The following ANKRD30B variants were observed in gnomAD, a reference collection of about 807,000 sequenced individuals.
ANKRD30B encodes ankyrin repeat domain 30B.
Under a neutral mutation model 202.2 loss-of-function variants are expected in ANKRD30B, and 144 were observed. That is an observed-to-expected ratio of 0.71 (90% CI 0.62 to 0.82). ANKRD30B has a LOEUF of 0.82. ANKRD30B is among the 40% of genes least tolerant of loss of function. The probability of loss-of-function intolerance (pLI) is 0.00; values close to 1 mark genes in which losing one functional copy is unlikely to be tolerated. For synonymous variants in ANKRD30B, 508 were observed against 561.3 expected, an observed-to-expected ratio of 0.91 and a Z score of 1.34; for missense variants, 1,487 against 1,669.1, an observed-to-expected ratio of 0.89 and a Z score of 1.90.
At chr18:14,755,756 G>A (rs1914246847) in intron 4 of ANKRD30B, among the ~76,000 whole-genome samples, 1 of 152,118 alleles carries the variant, frequency 6.6e-6, no homozygotes, top group African/African-American at 2.4e-5. Context: ...TGGCTGCATA[G>A]TATTCCATGG....
chr18:14,750,213 C>T (rs1031701507), intron 1 of ANKRD30B, among the ~76,000 whole-genome samples: 1 of 151,978 alleles, frequency 6.6e-6, no homozygotes, highest in Non-Finnish European at 1.5e-5. Context: ...AAAAATCTTC[C>T]TTTTATAGAG....
chr18:14,831,181 GAAA>G (rs71305894), intron 33 of ANKRD30B, among the ~76,000 whole-genome samples, 199 bp from the exon 34 acceptor site: 1 of 52,354 alleles, frequency 1.9e-5, no homozygotes, highest in Non-Finnish European at 3.4e-5. Context: ...CTCCGTCTCG[GAAA>G]AAAAAAAAAA....
chr18:14,882,214 T>A, the ANKRD30B span, among the ~76,000 whole-genome samples: 1 of 152,344 alleles, frequency 6.6e-6, no homozygotes, highest in South Asian at 2.1e-4. Flanking sequence ...ATTGTCTGTT[T>A]GTGCTCTTTC....
the ANKRD30B span, among the ~76,000 whole-genome samples, chr18:14,906,595 A>G: frequency 5.3e-5 from 8 of 152,260 alleles, no homozygotes; most frequent in East Asian, 1.5e-3. Context: ...AGTCTTTCAT[A>G]TTATACAATT....
the ANKRD30B span, among the ~76,000 whole-genome samples, chr18:14,917,314 C>G: frequency 7.2e-5 from 11 of 152,196 alleles, no homozygotes; most frequent in Non-Finnish European, 1.5e-4. Flanking sequence ...TAATTGTTCT[C>G]TTTCCTTTCT....
rs528262433 is a variant in ANKRD30B, at chr18:14,785,911, G to A, written c.1673-1128G>A. Among the ~76,000 whole-genome samples, 59 of 152,040 alleles carry A rather than the reference G, an allele frequency of 3.9e-4. 1 individual carries two copies. The East Asian group carries it at 9.3e-3, about 24-fold the overall frequency. On this transcript the variant is annotated intron_variant, in intron 14 of 43. Coordinates refer to ENST00000690538, the MANE Select transcript of ANKRD30B (RefSeq NM_001367607.2). ...AAATTAGCCGGGTGCGGTGGCGGGC[G>A]CCTGTAGTCCCAGCTACTCGGGAGG...
chr18:14,808,975 G>C lies in ANKRD30B; in HGVS notation c.2386+231G>C, dbSNP rs564070140. Among the ~76,000 whole-genome samples, 164 of 150,998 alleles carry C rather than the reference G, an allele frequency of 1.1e-3. 10 individuals are homozygous for C. The highest frequency in any genetic ancestry group is 3.8e-3 in the African/African-American group (157 of 40,886). On this transcript the variant is annotated intron_variant, in intron 26 of 43. Transcript: ENST00000690538. Reference sequence around the variant, plus strand: ...CATGTGGATATCTGTCCAGCAGCCTGCAATGCAATGGGGCCTTGTCTTTGT... The same window carrying C: ...CATGTGGATATCTGTCCAGCAGCCTCCAATGCAATGGGGCCTTGTCTTTGT...
At chr18:14,790,447 A>G (rs537588769) in intron 15 of ANKRD30B, among the ~76,000 whole-genome samples, 73 of 152,272 alleles carry the variant, frequency 4.8e-4, no homozygotes, top group African/African-American at 1.6e-3. Context: ...GTGCTAAGAG[A>G]GGGCATCCCT....
the ANKRD30B span, among the ~76,000 whole-genome samples, chr18:14,886,809 G>C: frequency 6.6e-6 from 1 of 152,088 alleles, no homozygotes; most frequent in African/African-American, 2.4e-5. Context: ...CAAGACTACA[G>C]TTACTGAATC....
At chr18:14,755,254 C>T (rs1371325025) in intron 4 of ANKRD30B, among the ~76,000 whole-genome samples, 1 of 151,956 alleles carries the variant, frequency 6.6e-6, no homozygotes, top group East Asian at 1.9e-4. Flanking sequence ...ATTTTGGTTG[C>T]ATTATTTTCT....
chr18:14,880,602 G>A, the ANKRD30B span, among the ~76,000 whole-genome samples: 1 of 110,490 alleles, frequency 9.1e-6, no homozygotes, highest in Non-Finnish European at 1.7e-5. Context: ...TTTCGCTCTT[G>A]TCGCTGAGGT....
chr18:14,855,410 G>T (rs1423299690), downstream of ANKRD30B, among the ~76,000 whole-genome samples: 1 of 152,160 alleles, frequency 6.6e-6, no homozygotes, highest in Admixed American at 6.5e-5. Context: ...GTTCCCGATG[G>T]TGGCTGTCTC....
intron 14 of ANKRD30B, among the ~76,000 whole-genome samples, chr18:14,786,479 T>G (rs2143890162): frequency 6.6e-6 from 1 of 152,358 alleles, no homozygotes; most frequent in African/African-American, 2.4e-5. Context: ...AAGCTTATCA[T>G]CCTAAAACAT....
At position 14,772,132 on chromosome 18, in the gene ANKRD30B, A is replaced by ATGT; in HGVS notation, c.1257-20_1257-18dup. 2.1e-6 allele frequency: 3 copies of ATGT among 1,421,934 alleles called. No individual in the cohort carries two copies. The South Asian group carries it at 4.4e-5, about 21-fold the overall frequency. 88.1% of individuals were successfully genotyped at this position (1,421,934 alleles called of 1,614,324 possible). ...TTTAAATATATGAATTTGCTCATTT[A>ATGT]TGTTGTATCATTTTTCTTTAAAGTC... is the stretch of plus-strand genomic sequence containing the variant. On this transcript the variant is annotated intron_variant, in intron 8 of 43. Coordinates refer to ENST00000690538, the MANE Select transcript of ANKRD30B (RefSeq NM_001367607.2).
chr18:14,772,335 T>C, intron 9 of ANKRD30B, 107 bp downstream of exon 9: 1 of 666,704 alleles, frequency 1.5e-6, no homozygotes, highest in Non-Finnish European at 2.2e-6. Context: ...TAATATAAAG[T>C]TGGTCAGATA....
chr18:14,798,483 A>C (rs1221862081), intron 20 of ANKRD30B, among the ~76,000 whole-genome samples: 1 of 152,168 alleles, frequency 6.6e-6, no homozygotes, highest in Non-Finnish European at 1.5e-5. Flanking sequence ...CAGTTGCAGC[A>C]AAAGCTGGTT....
At chr18:14,823,545 G>T (rs1970540126) in intron 32 of ANKRD30B, among the ~76,000 whole-genome samples, 1 of 151,904 alleles carries the variant, frequency 6.6e-6, no homozygotes, top group African/African-American at 2.4e-5. Flanking sequence ...ATGACTCTTT[G>T]CTAGACACGG....
Position 14,824,830 on chromosome 18 carries a change from A to C in ANKRD30B, c.2743+2153A>C, listed in dbSNP as rs1027951558. On this transcript the variant is annotated intron_variant, in intron 32 of 43. Transcript: ENST00000690538. ...ATGTGGTCTCTATCACAGCTTTTCA[A>C]CTCTACCATTGTAGCATGAAAGCAG... Among the ~76,000 whole-genome samples, 11 of 152,288 alleles carry C rather than the reference A, an allele frequency of 7.2e-5. No homozygotes were observed. In the South Asian group the frequency reaches 2.1e-3, roughly 29 times the overall value.
At chr18:14,872,316 C>G in the ANKRD30B span, among the ~76,000 whole-genome samples, 1 of 152,194 alleles carries the variant, frequency 6.6e-6, no homozygotes, top group Non-Finnish European at 1.5e-5. Flanking sequence ...GAGATGGAAA[C>G]TTTTCTTTGC....
Sources: gnomAD v4.1 joint callset for allele counts (sites outside exome capture counted in the v4.1 genomes callset) on GRCh38, gnomAD v4.1.1 for gene constraint, MANE v1.5 for transcripts, NCBI Gene and HGNC (gene_info 2026-07-23, HGNC 2026-07-21) for gene names.